Variants in C1QTNF9 observed in about 807,000 individuals in gnomAD.
C1QTNF9 encodes the protein complement C1q and tumor necrosis factor-related protein 9A.
In C1QTNF9, 6 loss-of-function variants were observed where a neutral mutation model predicts 10.1. That is an observed-to-expected ratio of 0.59 (90% confidence interval 0.32 to 1.17). The LOEUF is 1.17. Ranked by LOEUF, C1QTNF9 falls within the 50% of genes most tolerant of loss-of-function variation. The pLI is 0.04. For synonymous variants in C1QTNF9, 98 were observed against 163.5 expected, an observed-to-expected ratio of 0.60 and a Z score of 3.06; for missense variants, 201 against 418.8, an observed-to-expected ratio of 0.48 and a Z score of 4.54.
chr13:24,308,155 C>T (rs775899356), upstream of C1QTNF9, among the ~76,000 whole-genome samples: 3 of 152,254 alleles, frequency 2.0e-5, no homozygotes, highest in East Asian at 1.9e-4. Context: ...GCTGTGCTTC[C>T]GTCGCTGGCT....
exon 4 of C1QTNF9, chr13:24,322,013 C>T (rs760172767): frequency 1.6e-5 from 8 of 500,236 alleles, no homozygotes; most frequent in Admixed American, 1.2e-4. Flanking sequence ...TCTGAAGAAT[C>T]CCTCGTCTGT....
upstream of C1QTNF9, among the ~76,000 whole-genome samples, chr13:24,307,459 G>A (rs902838220): frequency 5.9e-5 from 9 of 152,270 alleles, no homozygotes; most frequent in African/African-American, 1.7e-4. Context: ...GCCCTTTGCG[G>A]GTGGGTAGAT....
At chr13:24,312,398 T>C (rs1009119691) in intron 1 of C1QTNF9, among the ~76,000 whole-genome samples, 1 of 151,958 alleles carries the variant, frequency 6.6e-6, no homozygotes, top group Non-Finnish European at 1.5e-5. Flanking sequence ...CAGGGAAAGA[T>C]GGGAGACAGA....
chr13:24,309,971 C>T (rs1273852653), intron 1 of C1QTNF9, among the ~76,000 whole-genome samples: 1 of 152,152 alleles, frequency 6.6e-6, no homozygotes, highest in East Asian at 1.9e-4. Flanking sequence ...TTTCAGCTCA[C>T]TGCAACCTCG....
chr13:24,322,018 G>A (rs1023405461), exon 4 of C1QTNF9: 19 of 479,418 alleles, frequency 4.0e-5, no homozygotes, highest in South Asian at 2.5e-4. Context: ...AGAATCCCTC[G>A]TCTGTGCGTT....
intron 1 of C1QTNF9, among the ~76,000 whole-genome samples, chr13:24,313,398 T>G (rs1403169861): frequency 6.6e-6 from 1 of 152,212 alleles, no homozygotes; most frequent in Non-Finnish European, 1.5e-5. Flanking sequence ...CTGGAATAGT[T>G]GTACTCCACA....
At position 24,320,995 on chromosome 13, in the gene C1QTNF9, G is replaced by A. The variant is rs748709399; in HGVS notation, c.230-1G>A. The stretch of plus-strand genomic sequence containing the variant: ...TCTTTATTTGCTCTTTCTCTATTTA[G>A]GAGCAGATGGAAAAGTTGAAGCAAA... On this transcript the variant is annotated splice_acceptor_variant, in intron 3 of 3. Coordinates refer to ENST00000332018, the Ensembl canonical transcript of C1QTNF9. LOFTEE classifies it high-confidence loss of function. The A allele has an allele frequency of 2.6e-5, 41 of 1,585,196 alleles. No homozygotes were observed. The African/African-American group carries it at 5.1e-4, about 20-fold the overall frequency.
chr13:24,308,110 C>T (rs1877667187), upstream of C1QTNF9, among the ~76,000 whole-genome samples: 1 of 152,190 alleles, frequency 6.6e-6, no homozygotes, highest in South Asian at 2.1e-4. Context: ...TGGGAGAGCC[C>T]GGAATGGGGA....
At chr13:24,318,927 T>C (rs1389615431) in intron 3 of C1QTNF9, 47 bp downstream of exon 3, 2 of 1,604,156 alleles carry the variant, frequency 1.2e-6, no homozygotes, top group African/African-American at 1.3e-5. Context: ...CTGTCGACTA[T>C]TTAACAATAT....
chr13:24,319,370 C>G (rs1878160970), intron 3 of C1QTNF9, among the ~76,000 whole-genome samples: 1 of 151,930 alleles, frequency 6.6e-6, no homozygotes, highest in Admixed American at 6.6e-5. Context: ...AAGACTTTGT[C>G]TATACAAATA....
chr13:24,319,011 G>A, intron 3 of C1QTNF9, 131 bp downstream of exon 3: 2 of 1,303,162 alleles, frequency 1.5e-6, no homozygotes, highest in Admixed American at 2.0e-5. Flanking sequence ...TCCAGACGGG[G>A]GGATTCTGCA....
intron 1 of C1QTNF9, 144 bp from the exon 2 acceptor site, chr13:24,315,838 C>T (rs1234381291): frequency 2.4e-6 from 2 of 820,130 alleles, no homozygotes; most frequent in African/African-American, 3.5e-5. Context: ...TGCTCCCCTG[C>T]CCTGAGCCTT....
At chr13:24,321,604 T>C in exon 4 of C1QTNF9, 11 of 1,614,206 alleles carry the variant, frequency 6.8e-6, no homozygotes, top group Non-Finnish European at 9.3e-6. Flanking sequence ...CAAAGATGCT[T>C]ACATGAGCTC....
upstream of C1QTNF9, among the ~76,000 whole-genome samples, chr13:24,309,081 C>A (rs1490382808): frequency 4.0e-5 from 6 of 151,780 alleles, no homozygotes; most frequent in Non-Finnish European, 1.5e-5. Flanking sequence ...CCAAATGAGA[C>A]CCAGCCACTT....
intron 1 of C1QTNF9, among the ~76,000 whole-genome samples, chr13:24,310,082 T>TG (rs1371760688): frequency 1.3e-5 from 2 of 151,638 alleles, no homozygotes; most frequent in Admixed American, 6.6e-5. Context: ...TTAGTAGAGA[T>TG]GGGGTTCCAC....
chr13:24,319,839 T>C (rs1878180484), intron 3 of C1QTNF9, among the ~76,000 whole-genome samples: 1 of 152,186 alleles, frequency 6.6e-6, no homozygotes, highest in Admixed American at 6.5e-5. Flanking sequence ...ACTCACTGAA[T>C]GCAATATCCC....
At chr13:24,312,716 G>A (rs982341461) in intron 1 of C1QTNF9, among the ~76,000 whole-genome samples, 1 of 151,880 alleles carries the variant, frequency 6.6e-6, no homozygotes, top group African/African-American at 2.4e-5. Flanking sequence ...CAGCACTTTG[G>A]GAGGCCGAGG....
chr13:24,310,055 T>A (rs7982155), intron 1 of C1QTNF9, among the ~76,000 whole-genome samples: 3 of 151,558 alleles, frequency 2.0e-5, no homozygotes, highest in Non-Finnish European at 4.4e-5. Context: ...CACCACACCC[T>A]GCTAATTTTT....
chr13:24,310,866 C>G (rs1156717562), intron 1 of C1QTNF9, among the ~76,000 whole-genome samples: 1 of 144,554 alleles, frequency 6.9e-6, no homozygotes, highest in African/African-American at 2.6e-5. Flanking sequence ...GAGCCGAGAT[C>G]GCGCCACTGC....
Sources: gnomAD v4.1 joint callset for allele counts (sites outside exome capture counted in the v4.1 genomes callset) on GRCh38, gnomAD v4.1.1 for gene constraint, MANE v1.5 for transcripts, NCBI Gene and HGNC (gene_info 2026-07-23, HGNC 2026-07-21) for gene names.